Variants in DLGAP1 observed in about 807,000 individuals in gnomAD.
The protein encoded by DLGAP1 is DLG associated protein 1.
Under a neutral mutation model 90.8 loss-of-function variants are expected in DLGAP1, and 11 were observed. That is an observed-to-expected ratio of 0.12 (90% CI 0.08 to 0.20). The LOEUF (loss-of-function observed/expected upper bound fraction) is 0.20, where lower values mean the gene tolerates loss of function less well. Ranked by LOEUF, DLGAP1 falls within the 10% of genes least tolerant of loss-of-function variation. DLGAP1 has a pLI of 1.00. For synonymous variants in DLGAP1, 558 were observed against 540.7 expected (o/e 1.03, Z -0.44); for missense variants, 1,050 against 1,333.8 (o/e 0.79, Z 3.31).
At chr18:3,963,840 C>T (rs1012668694) in intron 3 of DLGAP1, among the ~76,000 whole-genome samples, 9 of 151,970 alleles carry the variant, frequency 5.9e-5, no homozygotes, top group Non-Finnish European at 1.3e-4. Flanking sequence ...GACCATTGAG[C>T]CCTAGATTTC....
chr18:3,567,272 T>C (rs1454954639), intron 9 of DLGAP1, among the ~76,000 whole-genome samples: 1 of 152,194 alleles, frequency 6.6e-6, no homozygotes, highest in Non-Finnish European at 1.5e-5. Context: ...ATGTATGTAA[T>C]ATGCTTACAG....
chr18:4,272,629 C>T (rs1000978082), intron 1 of DLGAP1, among the ~76,000 whole-genome samples: 3 of 152,126 alleles, frequency 2.0e-5, no homozygotes, highest in Non-Finnish European at 2.9e-5. Context: ...TTTTGCAGCA[C>T]CATATGAAGT....
chr18:3,986,570 T>C (rs796242034), intron 3 of DLGAP1: 1 of 152,184 alleles, frequency 6.6e-6, no homozygotes, highest in South Asian at 2.1e-4. Flanking sequence ...TCTTTAAAAA[T>C]GGTCAATATC....
chr18:4,298,168 C>T (rs991574398), intron 1 of DLGAP1, among the ~76,000 whole-genome samples: 6 of 152,122 alleles, frequency 3.9e-5, no homozygotes, highest in African/African-American at 1.4e-4. Context: ...TCCCGCAGTC[C>T]GCCTTAAGGA....
intron 1 of DLGAP1, among the ~76,000 whole-genome samples, chr18:4,171,771 A>T (rs1214947861): frequency 6.6e-6 from 1 of 152,160 alleles, no homozygotes; most frequent in Admixed American, 6.5e-5. Context: ...TCATAGAAAA[A>T]ATAATTACAA....
intron 4 of DLGAP1, among the ~76,000 whole-genome samples, chr18:3,866,084 A>G (rs567152560): frequency 3.7e-4 from 57 of 152,322 alleles, no homozygotes; most frequent in Non-Finnish European, 6.9e-4. Context: ...TGAAGGTAAC[A>G]TAAGAATTTG....
rs1016315883 is a variant in DLGAP1 at position 3,999,843 on chromosome 18, G to A, written c.-73+5273C>T. Among the ~76,000 whole-genome samples the A allele has an allele frequency of 3.3e-5, 5 of 152,132 alleles. No individual in the cohort carries two copies. The East Asian group carries it at 9.7e-4, about 29-fold the overall frequency. ...TGTTTTCTTTCTGAGACAGGGTCTC[G>A]CTCTGTCATCTAGGCTAAAGTGCAG... On this transcript the variant is annotated intron_variant, in intron 3 of 12. Transcript: ENST00000315677.
intron 7 of DLGAP1, among the ~76,000 whole-genome samples, chr18:3,706,636 A>G (rs1412341051): frequency 6.6e-6 from 1 of 152,222 alleles, no homozygotes; most frequent in East Asian, 1.9e-4. Context: ...GATGGAGCTT[A>G]TCGAAGGCTT....
At chr18:3,956,132 T>C (rs1022622100) in intron 3 of DLGAP1, among the ~76,000 whole-genome samples, 2 of 151,986 alleles carry the variant, frequency 1.3e-5, no homozygotes, top group South Asian at 2.1e-4. Context: ...ACAATCAAAC[T>C]GTATAAAGGC....
chr18:4,008,972 C>G lies in DLGAP1; in HGVS notation c.-158-3771G>C, dbSNP rs2074362424. On this transcript the variant is annotated intron_variant, in intron 2 of 12. Transcript: ENST00000315677. ...AGGCTGGAGTGCGGTGGCGCGATCTCGGCTCACTGCAAGCTCTGCCTCCCG... is the reference window on the plus strand; with the variant it reads ...AGGCTGGAGTGCGGTGGCGCGATCTGGGCTCACTGCAAGCTCTGCCTCCCG... 1.3e-5 allele frequency among the ~76,000 whole-genome samples: 2 copies of G among 152,094 alleles called. 1 individual carries two copies. The highest frequency in any genetic ancestry group is 4.8e-5 in the African/African-American group (2 of 41,418).
intron 7 of DLGAP1, among the ~76,000 whole-genome samples, chr18:3,641,582 T>TACACACAC (rs1251987338): frequency 1.1e-4 from 14 of 125,640 alleles, no homozygotes; most frequent in African/African-American, 5.1e-4. Context: ...TACACATATA[T>TACACACAC]ATATACACAC....
At chr18:4,015,329 AATGG>A (rs1312145214) in intron 2 of DLGAP1, among the ~76,000 whole-genome samples, 1 of 152,110 alleles carries the variant, frequency 6.6e-6, no homozygotes, top group African/African-American at 2.4e-5. Flanking sequence ...ACTGTTTTGA[AATGG>A]ATCTGAGCCT....
At chr18:3,538,722 T>C (rs1169509592) in intron 9 of DLGAP1, among the ~76,000 whole-genome samples, 1 of 152,232 alleles carries the variant, frequency 6.6e-6, no homozygotes. Context: ...GCCAGAGGCA[T>C]TACATTTCCA....
chr18:3,862,423 T>C (rs893691634), intron 4 of DLGAP1, among the ~76,000 whole-genome samples: 1 of 152,222 alleles, frequency 6.6e-6, no homozygotes, highest in Non-Finnish European at 1.5e-5. Flanking sequence ...AGATGAGGAT[T>C]ACTGTCCAAA....
At chr18:3,818,319 T>TAATTAC (rs903024071) in intron 4 of DLGAP1, among the ~76,000 whole-genome samples, 4 of 147,340 alleles carry the variant, frequency 2.7e-5, no homozygotes, top group African/African-American at 9.9e-5. Flanking sequence ...TAACATCCTC[T>TAATTAC]AATTACAGGA....
intron 1 of DLGAP1, among the ~76,000 whole-genome samples, chr18:4,438,141 C>G (rs79397910): frequency 0.085 from 12,931 of 152,178 alleles, 688 homozygotes; most frequent in Middle Eastern, 0.22. Flanking sequence ...CCATGGGGCC[C>G]AGTGGTGTCA....
At chr18:4,409,233 G>C (rs1006600445) in intron 1 of DLGAP1, among the ~76,000 whole-genome samples, 1 of 152,068 alleles carries the variant, frequency 6.6e-6, no homozygotes, top group African/African-American at 2.4e-5. Flanking sequence ...AGAGAAAAAT[G>C]ATGCTGAAAA....
rs1599311454 is a variant in DLGAP1, at chr18:4,006,238, A to G, written c.-158-1037T>C. Among the ~76,000 whole-genome samples, 4 of 152,302 alleles carry G rather than the reference A, an allele frequency of 2.6e-5. No homozygotes were observed. The South Asian group carries it at 8.3e-4, about 32-fold the overall frequency. On this transcript the variant is annotated intron_variant, in intron 2 of 12. Coordinates refer to ENST00000315677, the MANE Select transcript of DLGAP1 (RefSeq NM_004746.4). ...AATAGCAACTATGGGAGACTAGCAA[A>G]GCCCCTGCATCCTGTTTGTCTTCTA...
chr18:4,291,198 T>C (rs750219023), intron 1 of DLGAP1, among the ~76,000 whole-genome samples: 66 of 152,164 alleles, frequency 4.3e-4, no homozygotes, highest in Admixed American at 4.6e-4. Context: ...AGGCAGATAA[T>C]ATAAATGGAA....
Sources: allele counts gnomAD v4.1 joint callset (sites outside exome capture counted in the v4.1 genomes callset), GRCh38; gene constraint gnomAD v4.1.1; transcripts MANE v1.5; gene names NCBI Gene and HGNC (gene_info 2026-07-23, HGNC 2026-07-21).